Variants in RGS6 observed in about 807,000 individuals in gnomAD.
RGS6 encodes the protein regulator of G protein signaling 6, also known as regulator of G-protein signaling 6.
RGS6 carries 30 observed loss-of-function variants against 78.5 expected under a neutral mutation model. That is an observed-to-expected ratio of 0.38 (90% CI 0.29 to 0.52). The LOEUF (loss-of-function observed/expected upper bound fraction) is 0.52. Among genes scored for constraint, RGS6 ranks in the 20% least tolerant of loss-of-function variants. The pLI is 0.85. For synonymous variants in RGS6, 206 were observed against 206.0 expected, an observed-to-expected ratio of 1.00 and a Z score of 0.00; for missense variants, 495 against 609.7, an observed-to-expected ratio of 0.81 and a Z score of 1.98.
intron 2 of RGS6, among the ~76,000 whole-genome samples, chr14:72,283,374 C>T (rs2152267398): frequency 6.6e-6 from 1 of 152,300 alleles, no homozygotes; most frequent in Non-Finnish European, 1.5e-5. Context: ...TGTCCCCACC[C>T]AAACCTCATC....
chr14:72,411,943 T>C (rs1377361834), intron 3 of RGS6, among the ~76,000 whole-genome samples: 1 of 152,198 alleles, frequency 6.6e-6, no homozygotes, highest in East Asian at 1.9e-4. Flanking sequence ...GATAAGCTTT[T>C]TGATGTGTTG....
At chr14:72,345,993 C>T (rs77441717) in intron 2 of RGS6, among the ~76,000 whole-genome samples, 1,986 of 152,168 alleles carry the variant, frequency 0.013, 37 homozygotes, top group African/African-American at 0.046. Context: ...AGATGGTGTC[C>T]GAGGAGTCAT....
intron 2 of RGS6, among the ~76,000 whole-genome samples, chr14:72,148,786 T>A (rs907798774): frequency 6.6e-6 from 1 of 152,244 alleles, no homozygotes; most frequent in Non-Finnish European, 1.5e-5. Flanking sequence ...AGTTGACTTT[T>A]ACTTTGGACA....
chr14:72,434,363 A>T (rs1170273603), intron 3 of RGS6, among the ~76,000 whole-genome samples: 3 of 152,208 alleles, frequency 2.0e-5, no homozygotes, highest in African/African-American at 7.2e-5. Context: ...TTAATTTTTT[A>T]AAAAATGTTT....
chr14:72,311,051 A>G (rs907841638), intron 2 of RGS6, among the ~76,000 whole-genome samples: 1 of 152,238 alleles, frequency 6.6e-6, no homozygotes, highest in African/African-American at 2.4e-5. Flanking sequence ...GGAGGGAAGC[A>G]ATGTGTGCGA....
At position 72,563,493 on chromosome 14, in the gene RGS6, TTG is replaced by T. The variant is rs998421353; in HGVS notation, c.*1033_*1034del. On this transcript the variant is annotated 3_prime_UTR_variant, in exon 18 of 18. Transcript: ENST00000553525. Reference sequence around the variant, plus strand: ...AGACCCTTGCTGGGTCAGGTCTCCTTTGTGTGTGAAGCTGGGGCAGAGTATGC... The same window carrying T: ...AGACCCTTGCTGGGTCAGGTCTCCTTTGTGTGAAGCTGGGGCAGAGTATGC... 1.3e-5 allele frequency: 2 copies of T among 152,438 alleles called. No homozygotes were observed. Among genetic ancestry groups the T allele is most frequent in the African/African-American group, 4.8e-5 (2 of 41,422 alleles). 9.4% of individuals were successfully genotyped at this position (152,438 alleles called of 1,614,324 possible).
chr14:72,381,427 C>A (rs934829310), intron 3 of RGS6, among the ~76,000 whole-genome samples: 22 of 151,920 alleles, frequency 1.4e-4, no homozygotes, highest in African/African-American at 5.3e-4. Flanking sequence ...ACAATTTTTA[C>A]ATCAATTTTT....
intron 3 of RGS6, among the ~76,000 whole-genome samples, chr14:72,365,231 C>G (rs1566636511): frequency 6.6e-6 from 1 of 152,094 alleles, no homozygotes; most frequent in Admixed American, 6.5e-5. Flanking sequence ...AAAGTCAAAA[C>G]TGAGATAAAG....
At chr14:72,240,525 A>C (rs1359965696) in intron 2 of RGS6, among the ~76,000 whole-genome samples, 1 of 152,192 alleles carries the variant, frequency 6.6e-6, no homozygotes, top group Non-Finnish European at 1.5e-5. Flanking sequence ...GTTGCTGTTA[A>C]TTAAGTTTGT....
intron 2 of RGS6, among the ~76,000 whole-genome samples, chr14:72,083,271 A>G (rs773684738): frequency 2.0e-5 from 3 of 152,116 alleles, no homozygotes; most frequent in Non-Finnish European, 4.4e-5. Flanking sequence ...AACCAGGTGG[A>G]GTTTTACCTC....
At chr14:71,905,195 A>G in the RGS6 span, among the ~76,000 whole-genome samples, 1 of 152,178 alleles carries the variant, frequency 6.6e-6, no homozygotes, top group African/African-American at 2.4e-5. Flanking sequence ...TGAATGAGAA[A>G]CAATAAAGAG....
intron 2 of RGS6, among the ~76,000 whole-genome samples, chr14:72,274,637 C>G (rs189571560): frequency 1.3e-5 from 2 of 152,278 alleles, no homozygotes; most frequent in East Asian, 1.9e-4. Context: ...CCTGGGTTAT[C>G]TGGGTGGACT....
chr14:72,567,955 C>T (rs1327309592), downstream of RGS6, among the ~76,000 whole-genome samples: 1 of 152,238 alleles, frequency 6.6e-6, no homozygotes, highest in Admixed American at 6.5e-5. Flanking sequence ...TGCCCCAGAC[C>T]CCATACACAG....
chr14:72,331,245 G>A lies in RGS6; in HGVS notation c.85-20850G>A, dbSNP rs565698128. Reference sequence around the variant, plus strand: ...TCACCGAGCTTAAAACCACCCTGTCGTTCAAAAAAAAAAAAAAAAAATGAG... The same window carrying A: ...TCACCGAGCTTAAAACCACCCTGTCATTCAAAAAAAAAAAAAAAAAATGAG... On this transcript the variant is annotated intron_variant, in intron 2 of 17. Transcript: ENST00000553525. 1.4e-4 allele frequency among the ~76,000 whole-genome samples: 12 copies of A among 85,560 alleles called. No homozygotes were observed. In the East Asian group the frequency reaches 2.0e-3, roughly 14 times the overall value. 56.1% of individuals were successfully genotyped at this position (85,560 alleles called of 152,430 possible).
At chr14:71,960,683 C>T (rs1439224753) in intron 1 of RGS6, among the ~76,000 whole-genome samples, 5 of 152,244 alleles carry the variant, frequency 3.3e-5, no homozygotes, top group African/African-American at 1.2e-4. Context: ...TCACTCTCCA[C>T]ACTTGGCTGT....
At chr14:72,422,601 A>G (rs2094243286) in intron 3 of RGS6, among the ~76,000 whole-genome samples, 1 of 152,142 alleles carries the variant, frequency 6.6e-6, no homozygotes, top group Non-Finnish European at 1.5e-5. Context: ...CTATGTACTC[A>G]GGAGAGCAGC....
intron 2 of RGS6, among the ~76,000 whole-genome samples, chr14:72,316,109 G>T (rs1298645001): frequency 6.6e-6 from 1 of 152,208 alleles, no homozygotes; most frequent in Non-Finnish European, 1.5e-5. Flanking sequence ...ATGGAAAGAA[G>T]AGTCACTTTC....
chr14:72,113,074 A>ATG (rs2153552811), intron 2 of RGS6, among the ~76,000 whole-genome samples: 1 of 140,420 alleles, frequency 7.1e-6, no homozygotes, highest in South Asian at 2.3e-4. Flanking sequence ...ACACACACAC[A>ATG]CACGCATGCA....
chr14:72,319,350 AT>A (rs755289519), intron 2 of RGS6, among the ~76,000 whole-genome samples: 2,661 of 142,126 alleles, frequency 0.019, 39 homozygotes, highest in African/African-American at 0.055. Flanking sequence ...GAAGGGGGAA[AT>A]TTTTTTTTTT....
Sources: gnomAD v4.1 joint callset for allele counts (sites outside exome capture counted in the v4.1 genomes callset) on GRCh38, gnomAD v4.1.1 for gene constraint, MANE v1.5 for transcripts, NCBI Gene and HGNC (gene_info 2026-07-23, HGNC 2026-07-21) for gene names.